Variants in CHAF1B observed in about 807,000 individuals in gnomAD.
CHAF1B encodes the protein CAF-1 subunit B.
In CHAF1B, 10 loss-of-function variants were observed where a neutral mutation model predicts 60.7. The observed-to-expected ratio is 0.16, with a 90% CI of 0.10 to 0.28. The LOEUF (loss-of-function observed/expected upper bound fraction) is 0.28. Among genes scored for constraint, CHAF1B ranks in the 10% least tolerant of loss-of-function variants. The pLI is 1.00. For missense variants in CHAF1B, 558 were observed against 708.4 expected (o/e 0.79, Z 2.41); for synonymous variants, 261 against 266.1 (o/e 0.98, Z 0.19).
intron 7 of CHAF1B, 150 bp downstream of exon 7, chr21:36,399,755 T>C: frequency 1.5e-6 from 1 of 662,288 alleles, no homozygotes; most frequent in Non-Finnish European, 2.7e-6. Context: ...CAGTCAAGGC[T>C]CAGTTACTGT....
At chr21:36,399,036 A>ATTTT (rs201186457) in intron 6 of CHAF1B, among the ~76,000 whole-genome samples, 1 of 138,466 alleles carries the variant, frequency 7.2e-6, no homozygotes, top group Admixed American at 7.3e-5. Context: ...TGACTTACCA[A>ATTTT]TTTTTTTTTT....
At chr21:36,392,753 C>T (rs965303003) in intron 4 of CHAF1B, among the ~76,000 whole-genome samples, 1 of 152,100 alleles carries the variant, frequency 6.6e-6, no homozygotes, top group East Asian at 1.9e-4. Flanking sequence ...GAGGCGCTCC[C>T]CACATCTCAG....
At chr21:36,398,189 A>C (rs1216902956) in intron 6 of CHAF1B, 1 of 151,330 alleles carries the variant, frequency 6.6e-6, no homozygotes, top group African/African-American at 2.4e-5. Context: ...AGTAATTGGG[A>C]CTACGGGTGT....
intron 4 of CHAF1B, among the ~76,000 whole-genome samples, chr21:36,393,204 G>A (rs2086106663): frequency 6.6e-6 from 1 of 152,178 alleles, no homozygotes; most frequent in African/African-American, 2.4e-5. Context: ...AGACTGTGGA[G>A]AGAGCGGGAG....
chr21:36,416,462 C>T lies in CHAF1B; in HGVS notation c.*96C>T, dbSNP rs1054258666. The T allele has an allele frequency of 1.9e-5, 16 of 847,626 alleles. No homozygotes were observed. The highest frequency in any genetic ancestry group is 1.8e-4 in the East Asian group (7 of 38,318). 52.5% of individuals were successfully genotyped at this position (847,626 alleles called of 1,614,324 possible). On this transcript the variant is annotated 3_prime_UTR_variant, in exon 14 of 14. Transcript: ENST00000314103. Reference sequence around the variant, plus strand: ...GCCTGAGACCAGGGCTTCCATGGAGCGGGACACACTGTAAATGGATTTCTA... The same window carrying T: ...GCCTGAGACCAGGGCTTCCATGGAGTGGGACACACTGTAAATGGATTTCTA...
In CHAF1B at chr21:36,391,586, A is replaced by G; in HGVS notation, c.295A>G (p.Lys99Glu). 6.2e-7 allele frequency: 1 copy of G among 1,613,616 alleles called. No homozygotes were observed. The highest frequency in any genetic ancestry group is 1.1e-5 in the South Asian group (1 of 91,076). ...CCTATTGTGGAAGGTGAATGATAAC[A>G]AGGAGCCGGAGCAGATCGCTTTTCA... ...VILLWKVNDN[K>E]EPEQIAFQDE... is the part of the protein sequence containing the mutation. Residue 99 changes from lysine (K) to glutamate (E), a missense_variant, in exon 4 of 14, where the codon AAG becomes GAG. Around this residue, in one of 2 missense-constraint regions of CHAF1B, gnomAD observed 325 missense variants for 493.5 expected, o/e 0.66. Transcript: ENST00000314103.
chr21:36,399,159 C>T (rs552778880), intron 6 of CHAF1B, among the ~76,000 whole-genome samples: 6 of 151,938 alleles, frequency 3.9e-5, no homozygotes, highest in South Asian at 2.1e-4. Context: ...CTCAGCCTCC[C>T]GAGTAGCAGG....
intron 13 of CHAF1B, chr21:36,415,780 T>C (rs2086314019): frequency 2.5e-6 from 1 of 406,128 alleles, no homozygotes; most frequent in Admixed American, 3.2e-5. Flanking sequence ...TGAGATGCAG[T>C]CTTGCTCTGT....
intron 8 of CHAF1B, 63 bp downstream of exon 8, chr21:36,402,914 T>C (rs2086203616): frequency 9.8e-6 from 13 of 1,324,134 alleles, no homozygotes; most frequent in Non-Finnish European, 1.4e-5. Context: ...GCTCCCGTTT[T>C]ACGCTGCAGC....
intron 7 of CHAF1B, among the ~76,000 whole-genome samples, chr21:36,402,010 G>A (rs1285065944): frequency 1.3e-5 from 2 of 152,112 alleles, no homozygotes; most frequent in Non-Finnish European, 2.9e-5. Flanking sequence ...CAAAGTGCTG[G>A]GATTACAGGT....
chr21:36,397,589 C>G lies in CHAF1B; in HGVS notation c.578+78C>G, dbSNP rs117385888. 1,992 of 682,230 alleles carry G rather than the reference C, an allele frequency of 2.9e-3. 6 individuals carry two copies. The highest frequency in any genetic ancestry group is 3.9e-3 in the Non-Finnish European group (1,599 of 413,340). The allele number at this position is 682,230 out of a possible 1,614,324, so 42.3% of individuals were successfully genotyped here. On this transcript the variant is annotated intron_variant, in intron 6 of 13. Transcript: ENST00000314103. ...TTCTGAAGAGAGGTATTTATCGTAA[C>G]TTAGCCAAGATTTATCATAGTCTAA...
At chr21:36,410,778 A>C (rs2086272225) in intron 10 of CHAF1B, among the ~76,000 whole-genome samples, 2 of 149,320 alleles carry the variant, frequency 1.3e-5, no homozygotes, top group African/African-American at 4.9e-5. Context: ...CTCCCACCTC[A>C]GCCTCCCAAG....
At chr21:36,407,981 GA>G (rs376520302) in intron 8 of CHAF1B, among the ~76,000 whole-genome samples, 55 of 139,862 alleles carry the variant, frequency 3.9e-4, no homozygotes, top group African/African-American at 1.2e-3. Context: ...CCATCTCAAA[GA>G]AAAAAAAAAG....
At chr21:36,415,440 C>A in intron 13 of CHAF1B, 51 bp downstream of exon 13, 1 of 1,200,828 alleles carries the variant, frequency 8.3e-7, no homozygotes, top group Non-Finnish European at 1.2e-6. Flanking sequence ...AGTATCTTTT[C>A]TTTTGTTCTT....
Position 36,386,213 on chromosome 21 carries a change from C to T in CHAF1B, c.77C>T (p.Ala26Val), listed in dbSNP as rs1317908480. The T allele has an allele frequency of 1.2e-6, 2 of 1,614,078 alleles. No homozygotes were observed. Among genetic ancestry groups the T allele is most frequent in the Non-Finnish European group, 8.5e-7 (1 of 1,180,034 alleles). The change falls in exon 2 of 14, where the codon GCT becomes GTT. Residue 26 changes from alanine (A) to valine (V), a missense_variant. Around this residue, in one of 2 missense-constraint regions of CHAF1B, gnomAD observed 325 missense variants for 493.5 expected, o/e 0.66. Coordinates refer to ENST00000314103, the MANE Select transcript of CHAF1B (RefSeq NM_005441.3). ...VYSLDFQHGTAGRIHRLASAG... is the reference protein window; with the variant it reads ...VYSLDFQHGTVGRIHRLASAG... ...AGCCTGGACTTCCAGCATGGGACGG[C>T]TGGGAGGATCCACAGACTGGCGTCT...
chr21:36,413,362 A>C, intron 12 of CHAF1B, 47 bp downstream of exon 12: 1 of 1,495,790 alleles, frequency 6.7e-7, no homozygotes, highest in Non-Finnish European at 8.9e-7. Flanking sequence ...GAAACACAAA[A>C]TGCAGACAGA....
rs1445264950 is a variant in CHAF1B at position 36,418,203 on chromosome 21, G to C, written c.*1837G>C. 2.0e-5 allele frequency: 3 copies of C among 151,902 alleles called. No individual in the cohort carries two copies. Among genetic ancestry groups the C allele is most frequent in the African/African-American group, 7.3e-5 (3 of 41,344 alleles). The allele number at this position is 151,902 out of a possible 1,614,324, so 9.4% of individuals were successfully genotyped here. ...TAATTTTTGTATTTTTAGTAGAGAT[G>C]GTGTTTCACCATGTTGGTCAGGCTG... On this transcript the variant is annotated 3_prime_UTR_variant, in exon 14 of 14. Transcript: ENST00000314103.
chr21:36,389,800 T>TGCGCGCGC lies in CHAF1B; in HGVS notation c.260-1750_260-1743dup, dbSNP rs1555911823. On this transcript the variant is annotated intron_variant, in intron 3 of 13. Coordinates refer to ENST00000314103, the MANE Select transcript of CHAF1B (RefSeq NM_005441.3). ...GTGTGTGTGTGTGTGTGTGTGTGTG[T>TGCGCGCGC]GCGCGCGCACGCTGATTTGTAGAGG... Among the ~76,000 whole-genome samples the TGCGCGCGC allele has an allele frequency of 4.4e-3, 551 of 124,738 alleles. 8 individuals are homozygous for TGCGCGCGC. Among genetic ancestry groups the TGCGCGCGC allele is most frequent in the African/African-American group, 0.014 (385 of 28,416 alleles). The allele number at this position is 124,738 out of a possible 152,430, so 81.8% of individuals were successfully genotyped here.
At chr21:36,415,510 T>TGGAACCATTGTTTAAACCCG in intron 13 of CHAF1B, 121 bp downstream of exon 13, 1 of 731,344 alleles carries the variant, frequency 1.4e-6, no homozygotes, top group South Asian at 1.7e-5. Flanking sequence ...TGCATCTTAT[T>TGGAACCATTGTTTAAACCCG]GGAACCATTG....
Sources: allele counts gnomAD v4.1 joint callset (sites outside exome capture counted in the v4.1 genomes callset), GRCh38; gene constraint gnomAD v4.1.1; regional missense constraint gnomAD v4.1.1; transcripts MANE v1.5; gene names NCBI Gene and HGNC (gene_info 2026-07-23, HGNC 2026-07-21).